The following PATJ variants were observed in gnomAD, a reference collection of about 807,000 sequenced individuals.
PATJ encodes the protein inaD-like protein.
Under a neutral mutation model 224.9 loss-of-function variants are expected in PATJ, and 190 were observed. That is an observed-to-expected ratio of 0.84 (90% CI 0.75 to 0.95). The LOEUF is 0.95. PATJ is among the 40% of genes least tolerant of loss of function. PATJ has a pLI of 0.00. For synonymous variants in PATJ, 769 were observed against 820.3 expected, an observed-to-expected ratio of 0.94 and a Z score of 1.07; for missense variants, 2,121 against 2,270.3, an observed-to-expected ratio of 0.93 and a Z score of 1.34.
chr1:62,063,349 G>A lies in PATJ; in HGVS notation c.4125+12291G>A, dbSNP rs571526673. 3.3e-5 allele frequency among the ~76,000 whole-genome samples: 5 copies of A among 152,176 alleles called. No individual in the cohort carries two copies. In the South Asian group the frequency reaches 6.2e-4, roughly 19 times the overall value. On this transcript the variant is annotated intron_variant, in intron 31 of 43. Transcript: ENST00000642238. ...ACTTTGTTTCTGGGTTCTCTGTTTT[G>A]TTCTGTTGCCCTGCATGTCTGTTTT...
Position 61,754,830 on chromosome 1 carries a change from C to T in PATJ, c.-35-8028C>T, listed in dbSNP as rs1645540976. On this transcript the variant is annotated intron_variant, in intron 1 of 43. Transcript: ENST00000642238. ...GTCCCAGCGACTCAAGAGGCTGAAG[C>T]AGGAAGATCTCTTGAGCCCAGGAGT... Among the ~76,000 whole-genome samples, 3 of 151,962 alleles carry T rather than the reference C, an allele frequency of 2.0e-5. No individual in the cohort carries two copies. The South Asian group carries it at 6.2e-4, about 32-fold the overall frequency.
At chr1:62,139,258 G>A (rs1447229219) in intron 41 of PATJ, among the ~76,000 whole-genome samples, 1 of 151,860 alleles carries the variant, frequency 6.6e-6, no homozygotes, top group South Asian at 2.1e-4. Flanking sequence ...AAAAATAGCC[G>A]GGCGTGGTGG....
chr1:62,156,913 C>CAAA (rs202034453), intron 43 of PATJ, among the ~76,000 whole-genome samples: 1 of 99,262 alleles, frequency 1.0e-5, no homozygotes, highest in African/African-American at 3.6e-5. Flanking sequence ...AAGTCCCTGT[C>CAAA]AAAAAAAAAA....
Position 62,027,628 on chromosome 1 carries a change from C to CTTT in PATJ, c.3959+9702_3959+9704dup, listed in dbSNP as rs57019359. Among the ~76,000 whole-genome samples the CTTT allele has an allele frequency of 3.8e-3, 421 of 109,826 alleles. 1 individual carries two copies. Among genetic ancestry groups the CTTT allele is most frequent in the African/African-American group, 0.014 (363 of 25,464 alleles). The allele number at this position is 109,826 out of a possible 152,430, so 72.1% of individuals were successfully genotyped here. ...TTTCTTCATAACCTTGCCAACATTC[C>CTTT]TTTTTTTTTTTTTTTTTTTTTTTGG... On this transcript the variant is annotated intron_variant, in intron 29 of 43. Coordinates refer to ENST00000642238, the MANE Select transcript of PATJ (RefSeq NM_001350145.3).
chr1:61,874,634 G>A (rs1156876086), intron 20 of PATJ, among the ~76,000 whole-genome samples: 1 of 152,148 alleles, frequency 6.6e-6, no homozygotes. Flanking sequence ...GAATTTGCAG[G>A]GTCAGGGGAA....
intron 19 of PATJ, 92 bp downstream of exon 19, chr1:61,861,759 G>A (rs1664654897): frequency 1.7e-6 from 1 of 578,040 alleles, no homozygotes; most frequent in Non-Finnish European, 3.0e-6. Flanking sequence ...ACAAAAGCTT[G>A]TCCTTATCCT....
intron 17 of PATJ, among the ~76,000 whole-genome samples, chr1:61,848,892 G>T (rs140480203): frequency 6.6e-6 from 1 of 152,248 alleles, no homozygotes; most frequent in East Asian, 1.9e-4. Context: ...CTGGCTACCT[G>T]CTGTTTCATA....
At chr1:62,045,925 G>C (rs1454494019) in intron 30 of PATJ, among the ~76,000 whole-genome samples, 1 of 152,122 alleles carries the variant, frequency 6.6e-6, no homozygotes, top group Non-Finnish European at 1.5e-5. Flanking sequence ...TTGTGGCCAG[G>C]CACAGGGGCT....
At chr1:61,936,911 A>G (rs927919458) in intron 27 of PATJ, among the ~76,000 whole-genome samples, 6 of 152,162 alleles carry the variant, frequency 3.9e-5, no homozygotes, top group African/African-American at 1.4e-4. Context: ...TCTTATCAGT[A>G]TTATCTACTT....
At chr1:61,918,678 T>C (rs1057411561) in intron 26 of PATJ, among the ~76,000 whole-genome samples, 3 of 152,096 alleles carry the variant, frequency 2.0e-5, no homozygotes, top group Admixed American at 2.0e-4. Flanking sequence ...AATAGGTAAT[T>C]ATGGCCAGGC....
intron 33 of PATJ, among the ~76,000 whole-genome samples, chr1:62,092,299 G>C (rs1660844898): frequency 6.6e-6 from 1 of 151,862 alleles, no homozygotes. Context: ...AAGATGGCTT[G>C]ACCCTGGGAG....
At chr1:62,053,469 C>T (rs2476183) in intron 31 of PATJ, among the ~76,000 whole-genome samples, 45 of 152,300 alleles carry the variant, frequency 3.0e-4, no homozygotes, top group African/African-American at 9.4e-4. Context: ...CCTGTAATCC[C>T]AGCACTGTGG....
chr1:61,838,591 C>T (rs866178498), intron 17 of PATJ, among the ~76,000 whole-genome samples: 16 of 144,868 alleles, frequency 1.1e-4, no homozygotes, highest in Non-Finnish European at 1.5e-4. Flanking sequence ...AGGATGGTCT[C>T]GATCTCCTGA....
At chr1:61,799,844 C>A (rs1652100648) in intron 11 of PATJ, among the ~76,000 whole-genome samples, 1 of 152,126 alleles carries the variant, frequency 6.6e-6, no homozygotes, top group Admixed American at 6.6e-5. Flanking sequence ...AGAATAATGG[C>A]CTCCAGCACC....
chr1:61,972,289 G>A (rs1214019280), intron 27 of PATJ, among the ~76,000 whole-genome samples: 1 of 151,994 alleles, frequency 6.6e-6, no homozygotes, highest in East Asian at 1.9e-4. Flanking sequence ...GGCTTCATGC[G>A]ACTGTGACTT....
At chr1:61,985,183 A>G (rs1644681805) in intron 27 of PATJ, among the ~76,000 whole-genome samples, 1 of 152,032 alleles carries the variant, frequency 6.6e-6, no homozygotes, top group African/African-American at 2.4e-5. Flanking sequence ...GCGGTGGCGC[A>G]TGCCTATAGT....
chr1:61,797,154 G>A (rs774038301), intron 10 of PATJ, 133 bp from the exon 11 acceptor site: 126 of 999,806 alleles, frequency 1.3e-4, no homozygotes, highest in Non-Finnish European at 1.7e-4. Flanking sequence ...GATTACAGGC[G>A]TGAGCCACCA....
intron 37 of PATJ, among the ~76,000 whole-genome samples, chr1:62,120,638 T>C (rs1664930670): frequency 6.6e-6 from 1 of 152,204 alleles, no homozygotes; most frequent in African/African-American, 2.4e-5. Context: ...TAGGAAAATC[T>C]TTGAGAAAAA....
chr1:61,988,225 G>A (rs1267920158), intron 27 of PATJ, among the ~76,000 whole-genome samples: 1 of 151,972 alleles, frequency 6.6e-6, no homozygotes, highest in Non-Finnish European at 1.5e-5. Flanking sequence ...TAAAATAAAA[G>A]CAATTATTGG....
Sources: gnomAD v4.1 joint callset for allele counts (sites outside exome capture counted in the v4.1 genomes callset) on GRCh38, gnomAD v4.1.1 for gene constraint, MANE v1.5 for transcripts, NCBI Gene and HGNC (gene_info 2026-07-23, HGNC 2026-07-21) for gene names.